Variants in CASQ2 observed in about 807,000 individuals in gnomAD.
The protein encoded by CASQ2 is calsequestrin 2.
In CASQ2, 49 loss-of-function variants were observed where a neutral mutation model predicts 46.5. The observed-to-expected ratio is 1.05, with a 90% CI of 0.84 to 1.34. The LOEUF (loss-of-function observed/expected upper bound fraction) is 1.34, where lower values mean the gene tolerates loss of function less well. CASQ2 is among the 40% of genes most tolerant of loss of function. The pLI is 0.00. For missense variants in CASQ2, 486 were observed against 481.3 expected (o/e 1.01, Z -0.09); for synonymous variants, 174 against 168.5 (o/e 1.03, Z -0.25).
chr1:115,761,745 C>T (rs1648969884), intron 1 of CASQ2, among the ~76,000 whole-genome samples: 1 of 151,988 alleles, frequency 6.6e-6, no homozygotes, highest in African/African-American at 2.4e-5. Flanking sequence ...AGCTGCAAAA[C>T]TCAGAGGCCT....
At chr1:115,705,046 C>A in intron 9 of CASQ2, 146 bp downstream of exon 9, 1 of 705,758 alleles carries the variant, frequency 1.4e-6, no homozygotes, top group East Asian at 2.7e-5. Flanking sequence ...TCAATACTGC[C>A]CCAAGGGCCA....
intron 1 of CASQ2, among the ~76,000 whole-genome samples, chr1:115,751,477 G>T (rs576975611): frequency 1.3e-5 from 2 of 151,528 alleles, no homozygotes; most frequent in Admixed American, 6.6e-5. Context: ...GATCATCCTG[G>T]CTAACACGGT....
intron 1 of CASQ2, among the ~76,000 whole-genome samples, chr1:115,761,465 A>AAGAAGAAGAAGGGGAAGGG (rs1557806742): frequency 1.7e-4 from 2 of 11,440 alleles, no homozygotes; most frequent in African/African-American, 5.9e-4. Flanking sequence ...AAGAAGAAGG[A>AAGAAGAAGAAGGGGAAGGG]GAAGAAGAAG....
chr1:115,751,865 C>T (rs1386805538), intron 1 of CASQ2, among the ~76,000 whole-genome samples: 1 of 152,158 alleles, frequency 6.6e-6, no homozygotes, highest in Admixed American at 6.5e-5. Context: ...GTCCTGCACT[C>T]TTTGTCCCAC....
intron 5 of CASQ2, among the ~76,000 whole-genome samples, chr1:115,728,672 G>C (rs1052689962): frequency 6.6e-6 from 1 of 152,172 alleles, no homozygotes; most frequent in Admixed American, 6.5e-5. Context: ...CTGCTGCCAG[G>C]TGTTTTAGGT....
At chr1:115,750,846 A>G (rs1426943969) in intron 1 of CASQ2, among the ~76,000 whole-genome samples, 2 of 135,252 alleles carry the variant, frequency 1.5e-5, no homozygotes, top group Non-Finnish European at 3.4e-5. Flanking sequence ...TTCAATAGGA[A>G]AGAAGTGGAT....
At chr1:115,733,207 T>C (rs1647846712) in intron 4 of CASQ2, among the ~76,000 whole-genome samples, 1 of 152,138 alleles carries the variant, frequency 6.6e-6, no homozygotes, top group Non-Finnish European at 1.5e-5. Context: ...ACCACACTTT[T>C]ATGAACTGCA....
chr1:115,736,514 G>A (rs1454580690), intron 4 of CASQ2, among the ~76,000 whole-genome samples: 1 of 151,790 alleles, frequency 6.6e-6, no homozygotes, highest in Non-Finnish European at 1.5e-5. Flanking sequence ...GCGGGCACCT[G>A]TAATCCCAGC....
chr1:115,724,818 A>G (rs942129972), intron 7 of CASQ2, among the ~76,000 whole-genome samples: 6 of 152,208 alleles, frequency 3.9e-5, no homozygotes, highest in Non-Finnish European at 7.3e-5. Context: ...AGGCCACAGG[A>G]CTTGACATAG....
intron 5 of CASQ2, among the ~76,000 whole-genome samples, chr1:115,731,934 G>A (rs1647799609): frequency 6.6e-6 from 1 of 152,010 alleles, no homozygotes; most frequent in South Asian, 2.1e-4. Context: ...TATTTTTTGA[G>A]AGAGGATCTC....
At position 115,702,932 on chromosome 1, in the gene CASQ2, T is replaced by G; in HGVS notation, c.1003A>C (p.Asn335His). The change falls in exon 10 of 11, where the codon AAT (asparagine) becomes CAT (histidine). Residue 335 changes from asparagine to histidine, a missense_variant. Physicochemically the swap from Asn to His is moderately conservative, Grantham distance 68. Transcript: ENST00000261448. ...DLFRPQIGVV[N>H]VTDADSVWME... ...CAGGGGATACTCACATCTGTGACAT[T>G]CACCACCCCAATCTGTGGCCTGAAT... The G allele has an allele frequency of 6.2e-7, 1 of 1,613,428 alleles. No homozygotes were observed. The highest frequency in any genetic ancestry group is 8.5e-7 in the Non-Finnish European group (1 of 1,179,648).
intron 5 of CASQ2, among the ~76,000 whole-genome samples, chr1:115,728,916 T>A (rs541011228): frequency 6.6e-6 from 1 of 152,072 alleles, no homozygotes; most frequent in Non-Finnish European, 1.5e-5. Flanking sequence ...GATTGTCGTG[T>A]CCTTAATTTA....
intron 1 of CASQ2, among the ~76,000 whole-genome samples, chr1:115,763,574 GA>G (rs1649033749): frequency 6.6e-6 from 1 of 152,204 alleles, no homozygotes; most frequent in African/African-American, 2.4e-5. Flanking sequence ...GAATCCTGAT[GA>G]AATAGTGAGT....
intron 2 of CASQ2, among the ~76,000 whole-genome samples, chr1:115,744,013 G>A (rs1322992533): frequency 1.3e-5 from 2 of 151,722 alleles, no homozygotes; most frequent in South Asian, 2.1e-4. Context: ...GCGTGGTGGC[G>A]TGTGACTGTA....
rs755558916 is a variant in CASQ2 at position 115,732,926 on chromosome 1, T to G, written c.581A>C (p.Lys194Thr). ...CCCTTTGTCAAAGGTGGCAAAGAAT[T>G]TGATGTAAGGCTGGAAGTGTTCAGC... ...EAAEHFQPYI[K>T]FFATFDKGVA... The change falls in exon 5 of 11, where the codon AAA becomes ACA. Residue 194 changes from lysine to threonine, a missense_variant. Lys to Thr is a moderately conservative substitution (Grantham distance 78). Coordinates refer to ENST00000261448, the MANE Select transcript of CASQ2 (RefSeq NM_001232.4). 2 of 1,613,934 alleles carry G rather than the reference T, an allele frequency of 1.2e-6. No individual in the cohort carries two copies. Among genetic ancestry groups the G allele is most frequent in the Non-Finnish European group, 1.7e-6 (2 of 1,179,866 alleles).
intron 3 of CASQ2, 127 bp downstream of exon 3, chr1:115,740,601 G>A (rs1026220562): frequency 1.4e-6 from 1 of 692,978 alleles, no homozygotes; most frequent in African/African-American, 1.8e-5. Flanking sequence ...TTAGTTTTTT[G>A]TGAATCCTGA....
At chr1:115,758,455 G>A (rs1164895291) in intron 1 of CASQ2, among the ~76,000 whole-genome samples, 5 of 152,198 alleles carry the variant, frequency 3.3e-5, no homozygotes, top group Admixed American at 1.3e-4. Context: ...GCAATGAGTA[G>A]AACAAAGTCC....
intron 1 of CASQ2, among the ~76,000 whole-genome samples, chr1:115,759,816 C>G (rs757053510): frequency 1.3e-5 from 2 of 152,162 alleles, no homozygotes; most frequent in Non-Finnish European, 2.9e-5. Context: ...CTTAGATTTG[C>G]CATCTCTTTT....
At chr1:115,723,847 C>A (rs944592890) in intron 7 of CASQ2, among the ~76,000 whole-genome samples, 1 of 152,152 alleles carries the variant, frequency 6.6e-6, no homozygotes, top group South Asian at 2.1e-4. Flanking sequence ...CGATAAGACC[C>A]TTTTAATATC....
Sources: gnomAD v4.1 joint callset for allele counts (sites outside exome capture counted in the v4.1 genomes callset) on GRCh38, gnomAD v4.1.1 for gene constraint, MANE v1.5 for transcripts, NCBI Gene and HGNC (gene_info 2026-07-23, HGNC 2026-07-21) for gene names.